The following SLC22A3 variants were observed in gnomAD, a reference collection of about 807,000 sequenced individuals.
SLC22A3 encodes solute carrier family 22 member 3.
In SLC22A3, 51 loss-of-function variants were observed where a neutral mutation model predicts 59.1. That is an observed-to-expected ratio of 0.86 (90% CI 0.69 to 1.09). The LOEUF (loss-of-function observed/expected upper bound fraction) is 1.09. Ranked by LOEUF, SLC22A3 falls within the 50% of genes least tolerant of loss-of-function variation. The pLI, the probability that SLC22A3 is intolerant of heterozygous loss-of-function variation, is 0.00. For synonymous variants in SLC22A3, 325 were observed against 292.0 expected (o/e 1.11, Z -1.15); for missense variants, 711 against 726.3 (o/e 0.98, Z 0.24).
chr6:160,426,069 C>T (rs1055274121), intron 5 of SLC22A3: 6 of 985,262 alleles, frequency 6.1e-6, no homozygotes, highest in South Asian at 9.4e-5. Context: ...AAATCAAGAA[C>T]CAGAAAAGTA....
At chr6:160,441,199 G>A (rs377622575) in intron 7 of SLC22A3, among the ~76,000 whole-genome samples, 1 of 152,206 alleles carries the variant, frequency 6.6e-6, no homozygotes, top group East Asian at 1.9e-4. Flanking sequence ...GTCCCATCGG[G>A]CTGGGACCCA....
chr6:160,437,564 A>T (rs1017751353), intron 7 of SLC22A3, among the ~76,000 whole-genome samples: 16 of 152,222 alleles, frequency 1.1e-4, no homozygotes, highest in African/African-American at 3.4e-4. Flanking sequence ...GCACCATGCT[A>T]AACGCTGAGG....
chr6:160,349,765 T>C (rs750311483), intron 1 of SLC22A3, among the ~76,000 whole-genome samples: 5 of 152,216 alleles, frequency 3.3e-5, no homozygotes, highest in Admixed American at 6.5e-5. Flanking sequence ...ACGGCCTCAA[T>C]TGAGCATGGG....
intron 5 of SLC22A3, chr6:160,425,743 G>A: frequency 1.2e-6 from 1 of 853,508 alleles, no homozygotes; most frequent in Non-Finnish European, 1.4e-6. Context: ...GGTAAGGTAA[G>A]TACAGCTATT....
intron 1 of SLC22A3, among the ~76,000 whole-genome samples, chr6:160,391,178 A>G (rs1583469614): frequency 6.6e-6 from 1 of 152,260 alleles, no homozygotes; most frequent in Non-Finnish European, 1.5e-5. Flanking sequence ...TAGACATAAA[A>G]TGTAGGGTGT....
At chr6:160,373,849 AC>A (rs1219901804) in intron 1 of SLC22A3, among the ~76,000 whole-genome samples, 5 of 151,902 alleles carry the variant, frequency 3.3e-5, no homozygotes, top group Non-Finnish European at 5.9e-5. Flanking sequence ...AATGATGGAC[AC>A]CCCTCCCCCA....
Position 160,413,813 on chromosome 6 carries a change from G to C in SLC22A3, c.975+2967G>C, listed in dbSNP as rs142764605. Among the ~76,000 whole-genome samples the C allele has an allele frequency of 2.6e-4, 39 of 152,290 alleles. 1 individual carries two copies. The highest frequency in any genetic ancestry group is 7.2e-4 in the African/African-American group (30 of 41,570). On this transcript the variant is annotated intron_variant, in intron 5 of 10. Transcript: ENST00000275300. ...AATAACCATGATTCCTTAATATCAA[G>C]TCAGTGTTCCACTTCCCTGATTGTC...
At chr6:160,364,223 A>C (rs1285025939) in intron 1 of SLC22A3, among the ~76,000 whole-genome samples, 1 of 152,192 alleles carries the variant, frequency 6.6e-6, no homozygotes, top group Non-Finnish European at 1.5e-5. Context: ...AAACTGTATG[A>C]TTTCAACCAT....
chr6:160,448,292 G>A (rs552612442), intron 10 of SLC22A3, among the ~76,000 whole-genome samples: 110 of 152,250 alleles, frequency 7.2e-4, no homozygotes, highest in Non-Finnish European at 1.2e-3. Context: ...AACCAAAGGT[G>A]TTTTCTCTCT....
intron 2 of SLC22A3, among the ~76,000 whole-genome samples, chr6:160,405,397 T>C (rs1668382843): frequency 6.6e-6 from 1 of 152,074 alleles, no homozygotes; most frequent in Non-Finnish European, 1.5e-5. Context: ...TCCAGAACAA[T>C]GCCAACACCA....
Position 160,415,923 on chromosome 6 carries a change from A to G in SLC22A3, c.975+5077A>G, listed in dbSNP as rs1325325178. The stretch of plus-strand genomic sequence containing the variant: ...TACAGATAAGCTAAATTAACTACAA[A>G]CTAAGATTACACCAATCTCCAGAGC... On this transcript the variant is annotated intron_variant, in intron 5 of 10. Coordinates refer to ENST00000275300, the MANE Select transcript of SLC22A3 (RefSeq NM_021977.4). The surrounding 1 kb of genome is among the most constrained non-coding windows in gnomAD (Gnocchi z 4.1). Among the ~76,000 whole-genome samples the G allele has an allele frequency of 6.6e-6, 1 of 152,204 alleles. No individual in the cohort carries two copies. The highest frequency in any genetic ancestry group is 2.4e-5 in the African/African-American group (1 of 41,442).
chr6:160,397,977 A>G lies in SLC22A3; in HGVS notation c.430-2A>G, dbSNP rs759378591. 4 of 1,611,530 alleles carry G rather than the reference A, an allele frequency of 2.5e-6. No individual in the cohort carries two copies. Among genetic ancestry groups the G allele is most frequent in the Admixed American group, 3.3e-5 (2 of 59,944 alleles). On this transcript the variant is annotated splice_acceptor_variant, in intron 1 of 10. Coordinates refer to ENST00000275300, the MANE Select transcript of SLC22A3 (RefSeq NM_021977.4). LOFTEE classifies it high-confidence loss of function. ...CCATGTGTGTTTTCTTTGTTTTCTC[A>G]GTTTGACCTTGTCTGTGTCAATGCG...
rs1788350834 is a variant in SLC22A3 at position 160,436,784 on chromosome 6, C to T, written c.980C>T (p.Thr327Ile). The T allele has an allele frequency of 6.2e-7, 1 of 1,604,020 alleles. No individual in the cohort carries two copies. Among genetic ancestry groups the T allele is most frequent in the African/African-American group, 1.3e-5 (1 of 74,578 alleles). ...KYLSSNYSEITVTDEEVSNPS... is the reference protein window; with the variant it reads ...KYLSSNYSEIIVTDEEVSNPS... ...AAATCTGCTTTTCTTATATAGATCA[C>T]TGTTACAGATGAGGAAGTTAGTAAT... is the stretch of plus-strand genomic sequence containing the variant. The change falls in exon 6 of 11, where the codon ACT becomes ATT. Residue 327 changes from threonine to isoleucine, a missense_variant. Coordinates refer to ENST00000275300, the MANE Select transcript of SLC22A3 (RefSeq NM_021977.4).
intron 7 of SLC22A3, among the ~76,000 whole-genome samples, chr6:160,441,305 T>A (rs921982371): frequency 3.3e-5 from 5 of 152,260 alleles, no homozygotes; most frequent in African/African-American, 1.2e-4. Context: ...ACTCCCCCCT[T>A]TTCTTGGTCT....
At chr6:160,421,635 CTCA>C (rs1442615007) in intron 5 of SLC22A3, among the ~76,000 whole-genome samples, 1 of 152,192 alleles carries the variant, frequency 6.6e-6, no homozygotes, top group African/African-American at 2.4e-5. Context: ...CAAGGCAAAA[CTCA>C]TCAGCCACAC....
At chr6:160,417,488 G>C (rs1787548236) in intron 5 of SLC22A3, among the ~76,000 whole-genome samples, 1 of 152,148 alleles carries the variant, frequency 6.6e-6, no homozygotes, top group Non-Finnish European at 1.5e-5. Context: ...TAATGCAATT[G>C]GTCATATTAC....
At chr6:160,350,360 T>C (rs148649941) in intron 1 of SLC22A3, among the ~76,000 whole-genome samples, 4 of 152,314 alleles carry the variant, frequency 2.6e-5, no homozygotes, top group African/African-American at 9.6e-5. Flanking sequence ...AGGCAATACA[T>C]ATGTGTGTTG....
intron 5 of SLC22A3, among the ~76,000 whole-genome samples, chr6:160,413,384 A>C (rs1171448324): frequency 6.6e-6 from 1 of 152,196 alleles, no homozygotes; most frequent in African/African-American, 2.4e-5. Context: ...TTAATATGGA[A>C]ATTTCCAAAC....
Position 160,451,269 on chromosome 6 carries a change from T to C in SLC22A3, c.*213T>C. 9.1e-6 allele frequency: 5 copies of C among 551,424 alleles called. No individual in the cohort carries two copies. Among genetic ancestry groups the C allele is most frequent in the East Asian group, 3.2e-5 (1 of 31,744 alleles). 34.2% of individuals were successfully genotyped at this position (551,424 alleles called of 1,614,324 possible). A position where few individuals can be genotyped will look rare whatever the true frequency, so the allele number is the denominator to read the frequency against. ...TTGAAGTTTCTGGGAACACATAATA[T>C]GTAGCCAGTTTAACAAAGAAGCTGT... On this transcript the variant is annotated 3_prime_UTR_variant, in exon 11 of 11. Coordinates refer to ENST00000275300, the MANE Select transcript of SLC22A3 (RefSeq NM_021977.4).
Sources: gnomAD v4.1 joint callset for allele counts (sites outside exome capture counted in the v4.1 genomes callset) on GRCh38, gnomAD v4.1.1 for gene constraint, Gnocchi (gnomAD v3.1) non-coding constraint, MANE v1.5 for transcripts, NCBI Gene and HGNC (gene_info 2026-07-23, HGNC 2026-07-21) for gene names.